Variants in UNC13C observed in about 807,000 individuals in gnomAD.
UNC13C encodes the protein protein unc-13 homolog C.
In UNC13C, 174 loss-of-function variants were observed where a neutral mutation model predicts 245.4. That is an observed-to-expected ratio of 0.71 (90% CI 0.63 to 0.80). The LOEUF (loss-of-function observed/expected upper bound fraction) is 0.80. Among genes scored for constraint, UNC13C ranks in the 30% least tolerant of loss-of-function variants. The pLI is 0.00. For missense variants in UNC13C, 2,829 were observed against 2,602.9 expected (o/e 1.09, Z -1.89); for synonymous variants, 992 against 895.1 (o/e 1.11, Z -1.93).
chr15:54,252,745 A>G (rs1036392297), intron 8 of UNC13C, among the ~76,000 whole-genome samples: 4 of 152,206 alleles, frequency 2.6e-5, no homozygotes, highest in African/African-American at 9.6e-5. Flanking sequence ...TAAGAAAATC[A>G]GAGTTAGAAG....
chr15:54,072,986 C>T (rs185228294), intron 2 of UNC13C, among the ~76,000 whole-genome samples: 34 of 152,150 alleles, frequency 2.2e-4, no homozygotes, highest in Admixed American at 1.6e-3. Context: ...CACCCATTAA[C>T]GCATCATCTA....
intron 1 of UNC13C, among the ~76,000 whole-genome samples, chr15:53,994,709 C>G (rs1014485480): frequency 2.0e-5 from 3 of 152,070 alleles, no homozygotes; most frequent in Non-Finnish European, 4.4e-5. Flanking sequence ...GAAGCCATGT[C>G]AATAGTCAAG....
chr15:54,609,476 G>A (rs1174474882), intron 30 of UNC13C: 3 of 152,056 alleles, frequency 2.0e-5, no homozygotes, highest in African/African-American at 7.3e-5. Flanking sequence ...AAACCACAGG[G>A]TTTTAAATCA....
chr15:54,250,487 C>A, intron 8 of UNC13C, 43 bp downstream of exon 8: 2 of 1,523,304 alleles, frequency 1.3e-6, no homozygotes, highest in South Asian at 1.3e-5. Flanking sequence ...GCAGAGCCTG[C>A]CTTATTCCAT....
At chr15:53,967,154 G>C in the UNC13C span, among the ~76,000 whole-genome samples, 1 of 151,714 alleles carries the variant, frequency 6.6e-6, no homozygotes, top group East Asian at 1.9e-4. Context: ...TGAACTATTA[G>C]GTTACGGTTT....
chr15:54,489,967 C>A (rs1422626220), intron 19 of UNC13C, among the ~76,000 whole-genome samples: 1 of 152,002 alleles, frequency 6.6e-6, no homozygotes, highest in East Asian at 1.9e-4. Context: ...TGAAAAAACC[C>A]AATTACTCTT....
intron 4 of UNC13C, among the ~76,000 whole-genome samples, chr15:54,175,507 A>AT (rs2033576727): frequency 8.9e-6 from 1 of 112,838 alleles, no homozygotes; most frequent in Non-Finnish European, 1.7e-5. Flanking sequence ...GTGGCCCTAG[A>AT]ATTTTTTTTT....
intron 2 of UNC13C, among the ~76,000 whole-genome samples, chr15:54,111,407 A>G (rs1900763759): frequency 6.6e-6 from 1 of 152,208 alleles, no homozygotes; most frequent in South Asian, 2.1e-4. Flanking sequence ...CTATTTTTGT[A>G]AATGAAGTCC....
At chr15:54,416,296 T>A (rs1296321352) in intron 19 of UNC13C, among the ~76,000 whole-genome samples, 2 of 152,158 alleles carry the variant, frequency 1.3e-5, no homozygotes, top group Non-Finnish European at 2.9e-5. Flanking sequence ...ATCATGCTAA[T>A]GTTTAATAGC....
At chr15:54,277,523 C>T (rs796793182) in intron 10 of UNC13C, among the ~76,000 whole-genome samples, 21 of 152,244 alleles carry the variant, frequency 1.4e-4, no homozygotes, top group African/African-American at 4.3e-4. Flanking sequence ...ATGCCTAAGG[C>T]GCCCTCTGGC....
chr15:54,608,076 T>C (rs1899868802), intron 30 of UNC13C, among the ~76,000 whole-genome samples: 1 of 152,110 alleles, frequency 6.6e-6, no homozygotes, highest in Non-Finnish European at 1.5e-5. Context: ...TAGAAGACAA[T>C]AGCATTACGG....
At chr15:54,402,998 A>G (rs2040218048) in intron 18 of UNC13C, among the ~76,000 whole-genome samples, 2 of 152,230 alleles carry the variant, frequency 1.3e-5, no homozygotes, top group African/African-American at 2.4e-5. Flanking sequence ...TAATGCCTGC[A>G]TTGAGTAGGT....
intron 10 of UNC13C, among the ~76,000 whole-genome samples, chr15:54,267,087 T>C (rs183002528): frequency 1.4e-4 from 21 of 152,172 alleles, no homozygotes; most frequent in Non-Finnish European, 1.5e-5. Flanking sequence ...AGTTTTTGGT[T>C]AATGACAACA....
intron 19 of UNC13C, among the ~76,000 whole-genome samples, chr15:54,438,139 A>G (rs1042071988): frequency 1.8e-4 from 27 of 151,926 alleles, no homozygotes; most frequent in African/African-American, 6.5e-4. Context: ...AAAAGGACAC[A>G]TGTCTGGAAC....
chr15:53,843,496 G>C, the UNC13C span, among the ~76,000 whole-genome samples: 2 of 152,034 alleles, frequency 1.3e-5, no homozygotes, highest in Admixed American at 1.3e-4. Flanking sequence ...CTTTAGGGTG[G>C]CTCTTTTTTT....
At chr15:54,144,039 A>G (rs1250538007) in intron 4 of UNC13C, among the ~76,000 whole-genome samples, 1 of 152,304 alleles carries the variant, frequency 6.6e-6, no homozygotes, top group African/African-American at 2.4e-5. Context: ...TTTGCACTTA[A>G]TGATATATGT....
intron 19 of UNC13C, among the ~76,000 whole-genome samples, chr15:54,430,647 G>A (rs2040853066): frequency 6.6e-6 from 1 of 151,604 alleles, no homozygotes; most frequent in Non-Finnish European, 1.5e-5. Flanking sequence ...GCTGTTAAAG[G>A]AGTTATCTTA....
chr15:54,540,187 A>G (rs1896180650), intron 26 of UNC13C, among the ~76,000 whole-genome samples: 1 of 152,086 alleles, frequency 6.6e-6, no homozygotes, highest in Non-Finnish European at 1.5e-5. Flanking sequence ...TAAGATGTAA[A>G]GTGATAATGA....
At chr15:54,220,002 T>G (rs2035172428) in intron 4 of UNC13C, among the ~76,000 whole-genome samples, 1 of 142,808 alleles carries the variant, frequency 7.0e-6, no homozygotes, top group Non-Finnish European at 1.5e-5. Flanking sequence ...TTGGTGGGAC[T>G]GTAAACTAGT....
Sources: gnomAD v4.1 joint callset for allele counts (sites outside exome capture counted in the v4.1 genomes callset) on GRCh38, gnomAD v4.1.1 for gene constraint, MANE v1.5 for transcripts, NCBI Gene and HGNC (gene_info 2026-07-23, HGNC 2026-07-21) for gene names.